The following POLA1 variants were observed in gnomAD, a reference collection of about 807,000 sequenced individuals.
The protein encoded by POLA1 is DNA polymerase alpha 1, catalytic subunit, also known as DNA polymerase alpha catalytic subunit.
In POLA1, 15 loss-of-function variants were observed where a neutral mutation model predicts 124.0. The observed-to-expected ratio is 0.12, with a 90% CI of 0.08 to 0.19. The LOEUF (loss-of-function observed/expected upper bound fraction) is 0.19. Among genes scored for constraint, POLA1 ranks in the 10% least tolerant of loss-of-function variants. The probability of loss-of-function intolerance (pLI) is 1.00; values close to 1 mark genes in which losing one functional copy is unlikely to be tolerated. For synonymous variants in POLA1, 408 were observed against 389.4 expected, an observed-to-expected ratio of 1.05 and a Z score of -0.56; for missense variants, 886 against 1,103.4, an observed-to-expected ratio of 0.80 and a Z score of 2.79.
At position 24,963,729 on chromosome X, in the gene POLA1, T is replaced by A. The variant is rs187081301; in HGVS notation, c.4262-32076T>A. On this transcript the variant is annotated intron_variant, in intron 36 of 36. Coordinates refer to ENST00000379068, the MANE Select transcript of POLA1 (RefSeq NM_001330360.2). Reference sequence around the variant, plus strand: ...AATAATACAGAACTCTTATTTGTAATCATATAAGGCATCTATAGAATGTTT... The same window carrying A: ...AATAATACAGAACTCTTATTTGTAAACATATAAGGCATCTATAGAATGTTT... 2.3e-3 allele frequency among the ~76,000 whole-genome samples: 259 copies of A among 111,637 alleles called. 2 individuals are homozygous for A. The highest frequency in any genetic ancestry group is 8.1e-3 in the African/African-American group (249 of 30,815).
At chrX:24,826,816 G>A (rs2046181299) in intron 32 of POLA1, among the ~76,000 whole-genome samples, 1 of 111,775 alleles carries the variant, frequency 8.9e-6, no homozygotes, top group East Asian at 2.8e-4. Context: ...CTGCTTCATA[G>A]TTGATACTCA....
intron 11 of POLA1, among the ~76,000 whole-genome samples, chrX:24,724,043 T>A (rs1193701910): frequency 8.9e-6 from 1 of 112,485 alleles, no homozygotes; most frequent in Non-Finnish European, 1.9e-5. Context: ...CTATATCAGT[T>A]GAACTGTGGA....
At chrX:24,865,604 A>G (rs1282940346) in intron 34 of POLA1, among the ~76,000 whole-genome samples, 2 of 111,913 alleles carry the variant, frequency 1.8e-5, no homozygotes, top group Non-Finnish European at 3.8e-5. Flanking sequence ...TTAAATATGC[A>G]TATTCTAAAC....
intron 32 of POLA1, among the ~76,000 whole-genome samples, chrX:24,841,076 A>G (rs2046402402): frequency 8.9e-6 from 1 of 112,174 alleles, no homozygotes; most frequent in African/African-American, 3.2e-5. Context: ...GTTTTTGCAC[A>G]TATTTTAAAT....
intron 26 of POLA1, among the ~76,000 whole-genome samples, chrX:24,754,542 C>T (rs1488146397): frequency 1.8e-5 from 2 of 111,778 alleles, no homozygotes; most frequent in Non-Finnish European, 3.8e-5. Flanking sequence ...GCATGAGCCA[C>T]CGCACCCCGC....
intron 27 of POLA1, 149 bp downstream of exon 27, chrX:24,810,079 C>G (rs1162583050): frequency 2.4e-6 from 1 of 413,445 alleles, no homozygotes; most frequent in African/African-American, 2.5e-5. Context: ...TGGATTACAG[C>G]TTTTTTCTTT....
chrX:24,960,850 C>T (rs1315583991), intron 36 of POLA1, among the ~76,000 whole-genome samples: 1 of 111,985 alleles, frequency 8.9e-6, no homozygotes, highest in Admixed American at 9.5e-5. Context: ...CAATTTGATA[C>T]GTATGTAATG....
intron 15 of POLA1, among the ~76,000 whole-genome samples, chrX:24,731,405 T>C (rs1423382611): frequency 1.8e-5 from 2 of 112,195 alleles, no homozygotes; most frequent in East Asian, 5.6e-4. Flanking sequence ...ATTGAGATAA[T>C]TGGAAAATAT....
rs1346248612 is a variant in POLA1, at chrX:24,819,337, A to G, written c.3430-2115A>G. 1.3e-4 allele frequency among the ~76,000 whole-genome samples: 15 copies of G among 111,895 alleles called. No individual in the cohort carries two copies. The Admixed American group carries it at 1.4e-3, about 11-fold the overall frequency. ...TTCTAATTTGCACTTGAAAGCTTGA[A>G]TTTTATCATTGACAATATATACTGT... On this transcript the variant is annotated intron_variant, in intron 30 of 36. Coordinates refer to ENST00000379068, the MANE Select transcript of POLA1 (RefSeq NM_001330360.2).
At chrX:24,785,295 G>T (rs1396142714) in intron 26 of POLA1, among the ~76,000 whole-genome samples, 2 of 111,780 alleles carry the variant, frequency 1.8e-5, no homozygotes, top group African/African-American at 6.5e-5. Context: ...GTTTAACTGG[G>T]ACAAAACATC....
chrX:24,790,940 TAA>T (rs1261738531), intron 26 of POLA1, among the ~76,000 whole-genome samples: 3 of 98,378 alleles, frequency 3.0e-5, no homozygotes, highest in Non-Finnish European at 6.1e-5. Flanking sequence ...TATATATATA[TAA>T]AACATTTAAC....
In POLA1 at chrX:24,848,612, T is replaced by G. The variant is rs1485138304; in HGVS notation, c.4047+4935T>G. 2.7e-5 allele frequency among the ~76,000 whole-genome samples: 3 copies of G among 112,435 alleles called. No individual in the cohort carries two copies. In the Admixed American group the frequency reaches 2.8e-4, roughly 11 times the overall value. On this transcript the variant is annotated intron_variant, in intron 34 of 36. Coordinates refer to ENST00000379068, the MANE Select transcript of POLA1 (RefSeq NM_001330360.2). ...AGCCAGGGATTGAATTAGAGCTGCC[T>G]TTTATCAAAAGTGCAATGAGGGCAG...
At chrX:24,971,443 G>A (rs144726052) in intron 36 of POLA1, among the ~76,000 whole-genome samples, 1,770 of 112,595 alleles carry the variant, frequency 0.016, 37 homozygotes, top group African/African-American at 0.051. Context: ...CCCTACCAGG[G>A]TATATTCAGA....
At chrX:24,958,325 C>G (rs2048130771) in intron 36 of POLA1, among the ~76,000 whole-genome samples, 1 of 112,149 alleles carries the variant, frequency 8.9e-6, no homozygotes, top group Non-Finnish European at 1.9e-5. Flanking sequence ...ACTTCTCTAG[C>G]ATTTAGTTCA....
In POLA1 at chrX:24,812,760, G is replaced by A. The variant is rs182314888; in HGVS notation, c.3193G>A (p.Val1065Ile). The change falls in exon 29 of 37, where the codon GTT (valine) becomes ATT (isoleucine). Residue 1065 changes from valine to isoleucine, a missense_variant. By Grantham distance (29) the Val-to-Ile change is conservative. Around this residue, in one of 7 missense-constraint regions of POLA1, gnomAD observed 313 missense variants for 359.7 expected, o/e 0.87. Transcript: ENST00000379068. Reference protein sequence around the residue: ...LLKKKKYAALVVEPTSDGNYV... With the variant: ...LLKKKKYAALIVEPTSDGNYV... ...GAAAAAAAAGAAGTACGCTGCTCTG[G>A]TTGTTGAGCCAACGTCGGATGGGAA... is the stretch of plus-strand genomic sequence containing the variant. The A allele has an allele frequency of 8.3e-7, 1 of 1,198,839 alleles. No homozygotes were observed. The highest frequency in any genetic ancestry group is 1.8e-5 in the African/African-American group (1 of 56,986).
chrX:24,960,118 G>C (rs1416442311), intron 36 of POLA1, among the ~76,000 whole-genome samples: 1 of 111,146 alleles, frequency 9.0e-6, no homozygotes, highest in Non-Finnish European at 1.9e-5. Flanking sequence ...AGATTCAGCT[G>C]GTAGGTTGCC....
chrX:24,762,995 C>T, intron 26 of POLA1, among the ~76,000 whole-genome samples: 1 of 111,515 alleles, frequency 9.0e-6, no homozygotes, highest in East Asian at 2.8e-4. Context: ...ACCTCAGCCT[C>T]CCGAAGTGCT....
Position 24,996,880 on chromosome X carries a change from C to T in POLA1, c.*930C>T, listed in dbSNP as rs1329508716. 8.9e-6 allele frequency: 1 copy of T among 111,847 alleles called. No individual in the cohort carries two copies. The highest frequency in any genetic ancestry group is 1.9e-5 in the Non-Finnish European group (1 of 53,263). 9.2% of individuals were successfully genotyped at this position (111,847 alleles called of 1,213,427 possible). A position where few individuals can be genotyped will look rare whatever the true frequency, so the allele number is the denominator to read the frequency against. The stretch of plus-strand genomic sequence containing the variant: ...AAGATTATACTAACAAAATGTTTCC[C>T]CTTGTACAATTATGCTGTGTTTTTA... On this transcript the variant is annotated 3_prime_UTR_variant, in exon 37 of 37. Transcript: ENST00000379068.
chrX:24,717,751 C>A lies in POLA1; in HGVS notation c.1080C>A (p.Asn360Lys). ...YWLDAYEDQY[N>K]QPGVVFLFGK... ...TGGATGCTTATGAGGATCAGTACAACCAACCAGGTAATCATATATAAGGTA... is the reference window on the plus strand; with the variant it reads ...TGGATGCTTATGAGGATCAGTACAAACAACCAGGTAATCATATATAAGGTA... Residue 360 changes from asparagine (N) to lysine (K), a missense_variant, in exon 10 of 37, where the codon AAC (asparagine) becomes AAA (lysine). Transcript: ENST00000379068. 1 of 1,178,211 alleles carries A rather than the reference C, an allele frequency of 8.5e-7. No homozygotes were observed. The highest frequency in any genetic ancestry group is 1.1e-6 in the Non-Finnish European group (1 of 870,492).
Sources: gnomAD v4.1 joint callset for allele counts (sites outside exome capture counted in the v4.1 genomes callset) on GRCh38, gnomAD v4.1.1 for gene constraint, gnomAD v4.1.1 regional missense constraint, MANE v1.5 for transcripts, NCBI Gene and HGNC (gene_info 2026-07-23, HGNC 2026-07-21) for gene names.